PPIL4: variants seen among roughly 807,000 people sequenced by gnomAD.
PPIL4 encodes peptidylprolyl isomerase like 4, also known as peptidyl-prolyl cis-trans isomerase-like 4.
PPIL4 carries 50 observed loss-of-function variants against 69.1 expected under a neutral mutation model. The ratio of observed to expected loss-of-function variants is 0.72; its 90% CI spans 0.58 to 0.92. The LOEUF (loss-of-function observed/expected upper bound fraction) is 0.92. Ranked by LOEUF, PPIL4 falls within the 40% of genes least tolerant of loss-of-function variation. The pLI, the probability that PPIL4 is intolerant of heterozygous loss-of-function variation, is 0.00. For synonymous variants in PPIL4, 193 were observed against 191.6 expected, an observed-to-expected ratio of 1.01 and a Z score of -0.06; for missense variants, 480 against 587.9, an observed-to-expected ratio of 0.82 and a Z score of 1.90.
chr6:149,541,723 G>C, intron 1 of PPIL4, 137 bp from the exon 2 acceptor site: 1 of 552,996 alleles, frequency 1.8e-6, no homozygotes, highest in Non-Finnish European at 3.2e-6. Context: ...TATAAAAAAG[G>C]GCAATAGGCC....
intron 11 of PPIL4, among the ~76,000 whole-genome samples, chr6:149,512,557 CG>C (rs1776869260): frequency 6.6e-6 from 1 of 151,930 alleles, no homozygotes; most frequent in South Asian, 2.1e-4. Context: ...AAAAAATAAA[CG>C]TATTTGTCAA....
intron 4 of PPIL4, among the ~76,000 whole-genome samples, chr6:149,539,599 C>G (rs1777329983): frequency 6.6e-6 from 1 of 152,078 alleles, no homozygotes; most frequent in Non-Finnish European, 1.5e-5. Context: ...GGGCTGGTCT[C>G]GAAATCCTGA....
At chr6:149,511,584 C>T (rs9404039) in intron 12 of PPIL4, among the ~76,000 whole-genome samples, 57,944 of 152,002 alleles carry the variant, frequency 0.38, 15,746 homozygotes, top group East Asian at 0.77. Context: ...CTGTAAATTG[C>T]TTTTTATTTA....
rs754405485 is a variant in PPIL4, at chr6:149,517,322, C to T, written c.1079+32G>A. 4.3e-6 allele frequency: 5 copies of T among 1,154,168 alleles called. No homozygotes were observed. In the South Asian group the frequency reaches 5.0e-5, roughly 11 times the overall value. The allele number at this position is 1,154,168 out of a possible 1,614,324, so 71.5% of individuals were successfully genotyped here. A position where few individuals can be genotyped will look rare whatever the true frequency, so the allele number is the denominator to read the frequency against. ...CTCTACACATAGCAGATGGTCAATA[C>T]ATATTAACTAACTGATTCTTGGTAA... is the stretch of plus-strand genomic sequence containing the variant. On this transcript the variant is annotated intron_variant, in intron 11 of 12. Transcript: ENST00000253329.
At chr6:149,515,290 T>C (rs959152540) in intron 11 of PPIL4, among the ~76,000 whole-genome samples, 2 of 152,060 alleles carry the variant, frequency 1.3e-5, no homozygotes, top group Non-Finnish European at 2.9e-5. Flanking sequence ...CCCAGCCTAT[T>C]TCTTAAATGA....
At chr6:149,533,428 G>C (rs1777228430) in intron 7 of PPIL4, 30 bp downstream of exon 7, 3 of 1,188,850 alleles carry the variant, frequency 2.5e-6, no homozygotes, top group East Asian at 2.3e-5. Context: ...ATATATTACA[G>C]AACAATTTGA....
intron 11 of PPIL4, among the ~76,000 whole-genome samples, chr6:149,513,914 T>C (rs550556187): frequency 2.1e-4 from 32 of 152,320 alleles, no homozygotes; most frequent in Admixed American, 7.2e-4. Flanking sequence ...TGAGGAAGAC[T>C]GACATGGGCT....
At position 149,526,673 on chromosome 6, in the gene PPIL4, G is replaced by C; in HGVS notation, c.782C>G (p.Ser261Cys). ...TTDEDLEIIFSRFGPIRSCEV... is the reference protein window; with the variant it reads ...TTDEDLEIIFCRFGPIRSCEV... Reference sequence around the variant, plus strand: ...TTACCTTCTTATTGGCCCAAATCTAGAGAATATTATTTCCAGATCCTCATC... The same window carrying C: ...TTACCTTCTTATTGGCCCAAATCTACAGAATATTATTTCCAGATCCTCATC... The change falls in exon 8 of 13, where the codon TCT becomes TGT. Residue 261 changes from serine to cysteine, a missense_variant. Physicochemically the swap from Ser to Cys is moderately radical, Grantham distance 112 (BLOSUM62 -1). Transcript: ENST00000253329. The C allele has an allele frequency of 9.3e-6, 15 of 1,610,402 alleles. No individual in the cohort carries two copies. The highest frequency in any genetic ancestry group is 1.3e-5 in the Non-Finnish European group (15 of 1,177,862).
intron 9 of PPIL4, 86 bp from the exon 10 acceptor site, chr6:149,521,257 G>T: frequency 1.2e-6 from 1 of 834,000 alleles, no homozygotes; most frequent in Non-Finnish European, 2.0e-6. Flanking sequence ...AAAGTTTGTT[G>T]TTACAAAAAT....
At chr6:149,513,809 T>C (rs903194028) in intron 11 of PPIL4, among the ~76,000 whole-genome samples, 62 of 149,360 alleles carry the variant, frequency 4.2e-4, no homozygotes, top group African/African-American at 1.5e-3. Flanking sequence ...AATTCAGAGA[T>C]AAGTATTTTC....
intron 11 of PPIL4, among the ~76,000 whole-genome samples, chr6:149,514,937 A>C (rs1359063535): frequency 1.3e-5 from 2 of 151,724 alleles, no homozygotes; most frequent in African/African-American, 4.8e-5. Context: ...CCTGGGTTCA[A>C]GCAATTCTCC....
chr6:149,518,960 C>T (rs868162597), intron 10 of PPIL4, among the ~76,000 whole-genome samples: 2 of 152,178 alleles, frequency 1.3e-5, no homozygotes, highest in South Asian at 2.1e-4. Flanking sequence ...ACATTATACA[C>T]ATTAAGTTTA....
At chr6:149,505,783 A>G (rs1776761503) in intron 12 of PPIL4, 79 bp from the exon 13 acceptor site, 1 of 1,352,858 alleles carries the variant, frequency 7.4e-7, no homozygotes, top group Non-Finnish European at 1.0e-6. Flanking sequence ...AAAACTTAGA[A>G]AAGTCTACCA....
At chr6:149,528,398 T>C (rs1363976631) in intron 7 of PPIL4, among the ~76,000 whole-genome samples, 1 of 152,222 alleles carries the variant, frequency 6.6e-6, no homozygotes, top group Non-Finnish European at 1.5e-5. Context: ...TGGTCAAAGC[T>C]AACTTTAAAA....
At chr6:149,526,870 T>C in intron 7 of PPIL4, 94 bp from the exon 8 acceptor site, 2 of 1,225,888 alleles carry the variant, frequency 1.6e-6, no homozygotes. Flanking sequence ...CCTTAAAACA[T>C]CTAAATTTAT....
chr6:149,512,284 T>C lies in PPIL4; in HGVS notation c.1098A>G (p.Ile366Met). 6.2e-7 allele frequency: 1 copy of C among 1,610,054 alleles called. No homozygotes were observed. The highest frequency in any genetic ancestry group is 1.1e-5 in the South Asian group (1 of 90,928). ...TTGAGTCTTCGGCCTGCTCATCTAA[T>C]ATAAGATCGTATTTTGTACTGCAGT... is the stretch of plus-strand genomic sequence containing the variant. ...KPKQDTKYDLILDEQAEDSKS... is the reference protein window; with the variant it reads ...KPKQDTKYDLMLDEQAEDSKS... The change falls in exon 12 of 13, where the codon ATA (isoleucine) becomes ATG (methionine). Residue 366 changes from isoleucine (I) to methionine (M), a missense_variant. Physicochemically the swap from Ile to Met is conservative, Grantham distance 10 (BLOSUM62 1). Coordinates refer to ENST00000253329, the MANE Select transcript of PPIL4 (RefSeq NM_139126.4).
chr6:149,517,630 T>C lies in PPIL4; in HGVS notation c.983-180A>G, dbSNP rs116528026. 1,097 of 475,388 alleles carry C rather than the reference T, an allele frequency of 2.3e-3. 8 individuals carry two copies. Among genetic ancestry groups the C allele is most frequent in the African/African-American group, 0.021 (1,045 of 50,634 alleles). 29.4% of individuals were successfully genotyped at this position (475,388 alleles called of 1,614,324 possible). A position where few individuals can be genotyped will look rare whatever the true frequency, so the allele number is the denominator to read the frequency against. On this transcript the variant is annotated intron_variant, in intron 10 of 12. Transcript: ENST00000253329. ...TTACTAATTTGAAATCAGACATCCA[T>C]TTTTGCTAGGTAGCCACATGCTGCC... is the stretch of plus-strand genomic sequence containing the variant.
intron 12 of PPIL4, among the ~76,000 whole-genome samples, chr6:149,508,831 T>C (rs560788599): frequency 1.3e-5 from 2 of 152,280 alleles, no homozygotes; most frequent in South Asian, 4.1e-4. Flanking sequence ...TAAGGCTAGT[T>C]ACTCAATAAA....
intron 10 of PPIL4, chr6:149,517,881 A>T (rs1562257925): frequency 6.5e-6 from 1 of 153,520 alleles, no homozygotes; most frequent in Non-Finnish European, 1.4e-5. Flanking sequence ...AATCCCATCT[A>T]CTCGGGAGGC....
Sources: gnomAD v4.1 joint callset for allele counts (sites outside exome capture counted in the v4.1 genomes callset) on GRCh38, gnomAD v4.1.1 for gene constraint, MANE v1.5 for transcripts, NCBI Gene and HGNC (gene_info 2026-07-23, HGNC 2026-07-21) for gene names.